Variants in FOXP2 observed in about 807,000 individuals in gnomAD.
The protein encoded by FOXP2 is forkhead box P2, also known as forkhead box protein P2.
A neutral mutation model predicts 115.8 loss-of-function variants in FOXP2; 12 were observed. The observed-to-expected ratio is 0.10, with a 90% CI of 0.07 to 0.17. FOXP2 has a LOEUF of 0.17. FOXP2 is among the 10% of genes least tolerant of loss of function. The pLI, the probability that FOXP2 is intolerant of heterozygous loss-of-function variation, is 1.00. For missense variants in FOXP2, 629 were observed against 843.5 expected (o/e 0.75, Z 3.15); for synonymous variants, 328 against 297.7 (o/e 1.10, Z -1.05).
intron 2 of FOXP2, among the ~76,000 whole-genome samples, chr7:114,480,840 T>C (rs896207502): frequency 6.6e-6 from 1 of 150,806 alleles, no homozygotes; most frequent in Non-Finnish European, 1.5e-5. Flanking sequence ...CAGTGGGAAA[T>C]TGCTCTAAAG....
intron 2 of FOXP2, among the ~76,000 whole-genome samples, chr7:114,445,434 C>T (rs1562930848): frequency 6.6e-6 from 1 of 152,116 alleles, no homozygotes; most frequent in African/African-American, 2.4e-5. Context: ...TCCAACTTTA[C>T]AATTCATTTC....
intron 2 of FOXP2, among the ~76,000 whole-genome samples, chr7:114,407,045 G>T (rs1793053333): frequency 6.6e-6 from 1 of 151,880 alleles, no homozygotes; most frequent in Admixed American, 6.6e-5. Context: ...GTAAGAAAAG[G>T]GAATAAGAGA....
At chr7:114,475,408 C>A (rs2129233179) in intron 2 of FOXP2, among the ~76,000 whole-genome samples, 1 of 152,014 alleles carries the variant, frequency 6.6e-6, no homozygotes, top group Non-Finnish European at 1.5e-5. Flanking sequence ...AGTCAGTGTT[C>A]ATTTGAAAAC....
At chr7:114,392,646 C>A in intron 2 of FOXP2, among the ~76,000 whole-genome samples, 1 of 152,150 alleles carries the variant, frequency 6.6e-6, no homozygotes, top group East Asian at 1.9e-4. Context: ...TGTCTCTGGT[C>A]TTCTTTCATT....
At chr7:114,223,877 A>ACTTAG (rs1794683705) in intron 1 of FOXP2, among the ~76,000 whole-genome samples, 4 of 151,930 alleles carry the variant, frequency 2.6e-5, no homozygotes, top group African/African-American at 9.7e-5. Context: ...TTTTATGGTT[A>ACTTAG]GAATTTTTTT....
rs370711953 is a variant in FOXP2, at chr7:114,369,544, AG to A, written c.-10-56956del. Among the ~76,000 whole-genome samples the A allele has an allele frequency of 3.2e-3, 487 of 152,236 alleles. 1 individual carries two copies. Among genetic ancestry groups the A allele is most frequent in the South Asian group, 0.012 (56 of 4,824 alleles). On this transcript the variant is annotated intron_variant, in intron 2 of 17. Transcript: ENST00000634411. Reference sequence around the variant, plus strand: ...TTGCTTAAACACTGCTAAAAAAAAAAGGATATGAAGTCCCATAATAAAGGCC... The same window carrying A: ...TTGCTTAAACACTGCTAAAAAAAAAAGATATGAAGTCCCATAATAAAGGCC...
intron 1 of FOXP2, among the ~76,000 whole-genome samples, chr7:114,151,001 T>A (rs1792514034): frequency 6.6e-6 from 1 of 152,058 alleles, no homozygotes; most frequent in Admixed American, 6.6e-5. Context: ...TTTTTAAAAA[T>A]TTGGAAAAGC....
chr7:114,328,226 T>C (rs1325556317), intron 2 of FOXP2, among the ~76,000 whole-genome samples: 1 of 148,686 alleles, frequency 6.7e-6, no homozygotes, highest in Non-Finnish European at 1.5e-5. Flanking sequence ...GCCCTTTCTT[T>C]TCTTTTCTTT....
intron 1 of FOXP2, among the ~76,000 whole-genome samples, chr7:114,242,996 A>G (rs1453549773): frequency 6.6e-6 from 1 of 152,154 alleles, no homozygotes; most frequent in South Asian, 2.1e-4. Context: ...TGTGTTATTC[A>G]GATTCAGATT....
chr7:114,458,550 T>TC (rs1308041290), intron 2 of FOXP2, among the ~76,000 whole-genome samples: 27 of 145,648 alleles, frequency 1.9e-4, no homozygotes, highest in South Asian at 1.8e-3. Flanking sequence ...TCTTTTCTTT[T>TC]TTTTTTTTTT....
At chr7:114,622,018 G>T (rs1363684604) in intron 3 of FOXP2, among the ~76,000 whole-genome samples, 1 of 151,934 alleles carries the variant, frequency 6.6e-6, no homozygotes, top group African/African-American at 2.4e-5. Flanking sequence ...CACAACCAAA[G>T]GGTATAGTAA....
At chr7:114,418,835 C>A (rs1793470809) in intron 1 of FOXP2, among the ~76,000 whole-genome samples, 1 of 151,846 alleles carries the variant, frequency 6.6e-6, no homozygotes, top group Non-Finnish European at 1.5e-5. Flanking sequence ...ACCCAGGTGC[C>A]TCCAATCTGC....
intron 2 of FOXP2, among the ~76,000 whole-genome samples, chr7:114,445,945 A>G (rs899435277): frequency 2.0e-5 from 3 of 152,098 alleles, no homozygotes; most frequent in Non-Finnish European, 4.4e-5. Flanking sequence ...TATGTGTGTG[A>G]CAATGTAATA....
intron 3 of FOXP2, chr7:114,561,307 T>A (rs1030782436): frequency 2.6e-5 from 4 of 152,198 alleles, no homozygotes; most frequent in Admixed American, 2.6e-4. Flanking sequence ...CAATTTTTTT[T>A]TCTCGAAGAA....
intron 2 of FOXP2, among the ~76,000 whole-genome samples, chr7:114,384,106 G>A (rs531814615): frequency 4.0e-5 from 6 of 148,642 alleles, no homozygotes; most frequent in Non-Finnish European, 7.5e-5. Flanking sequence ...TCTGCTTATC[G>A]GATTAGTTAC....
chr7:114,572,598 G>T (rs999763870), intron 3 of FOXP2, among the ~76,000 whole-genome samples: 10 of 151,716 alleles, frequency 6.6e-5, no homozygotes, highest in African/African-American at 2.4e-4. Context: ...TAAAAATAGT[G>T]CATTAAAAAT....
intron 1 of FOXP2, among the ~76,000 whole-genome samples, chr7:114,097,061 G>C (rs539780975): frequency 6.6e-6 from 1 of 151,602 alleles, no homozygotes; most frequent in Non-Finnish European, 1.5e-5. Context: ...TTTTATTATG[G>C]TTTATTAATG....
chr7:114,305,543 T>A (rs1016250174), intron 2 of FOXP2, among the ~76,000 whole-genome samples: 1 of 152,148 alleles, frequency 6.6e-6, no homozygotes, highest in African/African-American at 2.4e-5. Context: ...TGATTCTCAA[T>A]ATTCAGTACA....
At chr7:114,368,387 T>G (rs1285898520) in intron 2 of FOXP2, among the ~76,000 whole-genome samples, 1 of 152,164 alleles carries the variant, frequency 6.6e-6, no homozygotes, top group South Asian at 2.1e-4. Context: ...TTATCTGAAA[T>G]AGAGTGCCAT....
Sources: allele counts gnomAD v4.1 joint callset (sites outside exome capture counted in the v4.1 genomes callset), GRCh38; gene constraint gnomAD v4.1.1; transcripts MANE v1.5; gene names NCBI Gene and HGNC (gene_info 2026-07-23, HGNC 2026-07-21).